ATP10B: variants seen among roughly 807,000 people sequenced by gnomAD.
The protein encoded by ATP10B is ATPase phospholipid transporting 10B (putative).
In ATP10B, 122 loss-of-function variants were observed where a neutral mutation model predicts 141.2. The observed-to-expected ratio is 0.86, with a 90% confidence interval of 0.75 to 1.00. ATP10B has a LOEUF of 1.00. Among genes scored for constraint, ATP10B ranks in the 50% least tolerant of loss-of-function variants. The pLI is 0.00. For missense variants in ATP10B, 1,876 were observed against 1,825.3 expected (o/e 1.03, Z -0.51); for synonymous variants, 685 against 692.0 (o/e 0.99, Z 0.16).
intron 10 of ATP10B, chr5:160,639,086 C>G (rs1759634657): frequency 1.3e-5 from 2 of 152,368 alleles, no homozygotes; most frequent in African/African-American, 4.8e-5. Flanking sequence ...TGCCTCTGTG[C>G]TTTGTGATTT....
At position 160,689,034 on chromosome 5, in the gene ATP10B, T is replaced by C. The variant is rs370875819; in HGVS notation, c.-204-91A>G. The C allele has an allele frequency of 3.4e-5, 22 of 646,916 alleles. 3 individuals carry two copies. The Admixed American group carries it at 6.3e-4, about 19-fold the overall frequency. 40.1% of individuals were successfully genotyped at this position (646,916 alleles called of 1,614,324 possible). ...ACATCAAAAAGCTTGTCCACCACCA[T>C]CGAGTCAGCTTCATCCCTGGGATGC... is the stretch of plus-strand genomic sequence containing the variant. On this transcript the variant is annotated intron_variant, in intron 3 of 25. Coordinates refer to ENST00000327245, the MANE Select transcript of ATP10B (RefSeq NM_025153.3).
chr5:160,652,867 A>AC (rs1491485150), intron 7 of ATP10B, among the ~76,000 whole-genome samples: 1 of 91,082 alleles, frequency 1.1e-5, no homozygotes, highest in Non-Finnish European at 1.9e-5. Flanking sequence ...AATTATATAT[A>AC]ATATATATAA....
At chr5:160,595,576 C>G (rs1306131907) in intron 22 of ATP10B, among the ~76,000 whole-genome samples, 1 of 152,130 alleles carries the variant, frequency 6.6e-6, no homozygotes, top group Non-Finnish European at 1.5e-5. Flanking sequence ...ACACAAAAAA[C>G]CCTTCAAAAA....
chr5:160,737,166 T>A (rs573590812), intron 2 of ATP10B, among the ~76,000 whole-genome samples: 12 of 152,326 alleles, frequency 7.9e-5, no homozygotes, highest in African/African-American at 2.9e-4. Flanking sequence ...GACATAATCA[T>A]GTTATTTGGT....
the ATP10B span, among the ~76,000 whole-genome samples, chr5:160,918,147 C>CT: frequency 6.6e-6 from 1 of 152,178 alleles, no homozygotes; most frequent in Admixed American, 6.5e-5. Flanking sequence ...CAGTGAGCAC[C>CT]TATGGGGTGC....
At chr5:160,605,790 A>C (rs1009706377) in intron 19 of ATP10B, among the ~76,000 whole-genome samples, 1 of 152,194 alleles carries the variant, frequency 6.6e-6, no homozygotes, top group Middle Eastern at 3.2e-3. Context: ...TATTTACTAC[A>C]TGCTTGGTAT....
chr5:160,733,199 T>C (rs1361502052), intron 2 of ATP10B, among the ~76,000 whole-genome samples: 1 of 152,218 alleles, frequency 6.6e-6, no homozygotes, highest in Non-Finnish European at 1.5e-5. Flanking sequence ...TCTATGTCTT[T>C]TTTATTGTGT....
At position 160,563,160 on chromosome 5, in the gene ATP10B, A is replaced by C. The variant is rs1754343274; in HGVS notation, c.*2293T>G. ...GGAAAACCATGTTTATTTTTAATAA[A>C]GGATGACATTTCCAATCAGTAAAAT... On this transcript the variant is annotated 3_prime_UTR_variant, in exon 26 of 26. Coordinates refer to ENST00000327245, the MANE Select transcript of ATP10B (RefSeq NM_025153.3). 1 of 152,248 alleles carries C rather than the reference A, an allele frequency of 6.6e-6. No homozygotes were observed. Among genetic ancestry groups the C allele is most frequent in the Non-Finnish European group, 1.5e-5 (1 of 68,032 alleles). The allele number at this position is 152,248 out of a possible 1,614,324, so 9.4% of individuals were successfully genotyped here.
the ATP10B span, among the ~76,000 whole-genome samples, chr5:160,903,543 T>C: frequency 1.3e-5 from 2 of 152,214 alleles, no homozygotes; most frequent in Non-Finnish European, 1.5e-5. Context: ...CTTTATCCTG[T>C]TGCACAAAAT....
intron 1 of ATP10B, among the ~76,000 whole-genome samples, chr5:160,791,861 A>G (rs1771595450): frequency 6.6e-6 from 1 of 152,146 alleles, no homozygotes; most frequent in Non-Finnish European, 1.5e-5. Flanking sequence ...GAAAACTGAC[A>G]GTATCAGCCT....
At chr5:160,628,962 T>C (rs1193309016) in intron 13 of ATP10B, among the ~76,000 whole-genome samples, 3 of 152,180 alleles carry the variant, frequency 2.0e-5, no homozygotes, top group African/African-American at 7.2e-5. Context: ...AAAACAGCTT[T>C]TGTTGTTGCT....
At chr5:160,655,869 G>A (rs1232069639) in intron 7 of ATP10B, among the ~76,000 whole-genome samples, 1 of 152,152 alleles carries the variant, frequency 6.6e-6, no homozygotes, top group Admixed American at 6.6e-5. Flanking sequence ...AGTGATTGCA[G>A]CCATAAGACA....
chr5:160,686,882 A>T (rs1763790208), intron 5 of ATP10B: 1 of 888,196 alleles, frequency 1.1e-6, no homozygotes, highest in Admixed American at 6.2e-5. Flanking sequence ...TACAATATTG[A>T]GGGTGATATA....
intron 1 of ATP10B, among the ~76,000 whole-genome samples, chr5:160,823,653 G>A (rs1024640351): frequency 3.9e-5 from 6 of 152,106 alleles, no homozygotes; most frequent in Admixed American, 2.0e-4. Flanking sequence ...TCAGGAGATC[G>A]AGACCATCCT....
the ATP10B span, among the ~76,000 whole-genome samples, chr5:160,925,923 A>G: frequency 6.6e-6 from 1 of 152,216 alleles, no homozygotes; most frequent in African/African-American, 2.4e-5. Context: ...ATCTCATCAG[A>G]TAACATCCTG....
At chr5:160,750,696 G>A (rs147050675) in intron 2 of ATP10B, among the ~76,000 whole-genome samples, 16 of 151,934 alleles carry the variant, frequency 1.1e-4, no homozygotes, top group Admixed American at 5.2e-4. Context: ...TCCTTATTAC[G>A]GTCCAGATAA....
At chr5:160,832,119 C>A (rs62392627) in intron 1 of ATP10B, among the ~76,000 whole-genome samples, 2 of 72,192 alleles carry the variant, frequency 2.8e-5, no homozygotes, top group East Asian at 6.0e-4. Flanking sequence ...CAATAATAAT[C>A]ATAATAATGC....
intron 7 of ATP10B, among the ~76,000 whole-genome samples, chr5:160,653,050 A>G (rs1180490026): frequency 5.2e-5 from 6 of 116,030 alleles, no homozygotes; most frequent in African/African-American, 1.6e-4. Flanking sequence ...TTATGTATAT[A>G]ATTATGTATA....
At chr5:160,870,660 A>G in the ATP10B span, among the ~76,000 whole-genome samples, 2 of 152,286 alleles carry the variant, frequency 1.3e-5, no homozygotes, top group East Asian at 3.9e-4. Flanking sequence ...TGTTTGAAAC[A>G]ATACTGGCTG....
Sources: allele counts gnomAD v4.1 joint callset (sites outside exome capture counted in the v4.1 genomes callset), GRCh38; gene constraint gnomAD v4.1.1; transcripts MANE v1.5; gene names NCBI Gene and HGNC (gene_info 2026-07-23, HGNC 2026-07-21).